MTUS2: variants seen among roughly 807,000 people sequenced by gnomAD.
The protein encoded by MTUS2 is microtubule associated scaffold protein 2.
A neutral mutation model predicts 114.1 loss-of-function variants in MTUS2; 40 were observed. That is an observed-to-expected ratio of 0.35 (90% CI 0.27 to 0.46). The LOEUF (loss-of-function observed/expected upper bound fraction) is 0.46, where lower values mean the gene tolerates loss of function less well. Among genes scored for constraint, MTUS2 ranks in the 20% least tolerant of loss-of-function variants. MTUS2 has a pLI of 1.00. For missense variants in MTUS2, 1,679 were observed against 1,705.4 expected, an observed-to-expected ratio of 0.98 and a Z score of 0.27; for synonymous variants, 688 against 672.0, an observed-to-expected ratio of 1.02 and a Z score of -0.37.
rs1347558367 is a variant in MTUS2 at position 28,905,157 on chromosome 13, G to T, written c.-243+65307G>T. Among the ~76,000 whole-genome samples, 3 of 151,686 alleles carry T rather than the reference G, an allele frequency of 2.0e-5. No individual in the cohort carries two copies. The South Asian group carries it at 6.3e-4, about 32-fold the overall frequency. On this transcript the variant is annotated intron_variant, in intron 2 of 15. Transcript: ENST00000612955. ...TATCAGCTTAAGGAGATTTTGGGCT[G>T]AGAAAATGGGGTTTTCTAGATATAC...
chr13:28,831,646 A>G (rs1177199859), intron 1 of MTUS2, among the ~76,000 whole-genome samples: 1 of 152,254 alleles, frequency 6.6e-6, no homozygotes, highest in African/African-American at 2.4e-5. Context: ...TATGTGAAGC[A>G]GAAACAGAAT....
At position 29,240,471 on chromosome 13, in the gene MTUS2, A is replaced by AAT. The variant is rs557588084; in HGVS notation, c.2645-41230_2645-41229dup. 2.3e-3 allele frequency among the ~76,000 whole-genome samples: 343 copies of AAT among 152,356 alleles called. 4 individuals carry two copies. The highest frequency in any genetic ancestry group is 6.8e-3 in the Admixed American group (104 of 15,310). On this transcript the variant is annotated intron_variant, in intron 5 of 15. Transcript: ENST00000612955. ...GATGGAAAGACTCAGTGTGAAATCG[A>AAT]ATATCTGATCCTTGTTTACAAAAGT...
intron 5 of MTUS2, among the ~76,000 whole-genome samples, chr13:29,167,323 C>T (rs61186598): frequency 6.0e-5 from 9 of 150,072 alleles, no homozygotes; most frequent in African/African-American, 1.5e-4. Flanking sequence ...TGCAGTGAGC[C>T]GAGATCTCAC....
At chr13:29,043,626 T>TA (rs964356286) in intron 4 of MTUS2, among the ~76,000 whole-genome samples, 1 of 151,616 alleles carries the variant, frequency 6.6e-6, no homozygotes, top group Non-Finnish European at 1.5e-5. Flanking sequence ...GCTCCAGTGT[T>TA]AGAGATATAT....
chr13:29,000,871 T>C (rs1478532395), intron 2 of MTUS2, among the ~76,000 whole-genome samples: 1 of 152,052 alleles, frequency 6.6e-6, no homozygotes, highest in Non-Finnish European at 1.5e-5. Flanking sequence ...TCCCAGTCCT[T>C]CTCCTTCCTT....
At chr13:29,360,407 C>T (rs1870123504) in intron 8 of MTUS2, among the ~76,000 whole-genome samples, 1 of 152,204 alleles carries the variant, frequency 6.6e-6, no homozygotes, top group South Asian at 2.1e-4. Context: ...TCACCTTCCC[C>T]TCTACTCCAG....
chr13:29,156,000 C>T (rs567487713), intron 5 of MTUS2, among the ~76,000 whole-genome samples: 1 of 152,204 alleles, frequency 6.6e-6, no homozygotes, highest in South Asian at 2.1e-4. Flanking sequence ...GCCGTTTGCC[C>T]ATACCCATGC....
At chr13:29,084,947 T>A (rs1889623679) in intron 4 of MTUS2, among the ~76,000 whole-genome samples, 1 of 152,210 alleles carries the variant, frequency 6.6e-6, no homozygotes, top group South Asian at 2.1e-4. Flanking sequence ...ATCCCTAATG[T>A]TGGAGGTGGG....
intron 5 of MTUS2, among the ~76,000 whole-genome samples, chr13:29,204,680 G>T (rs1434737419): frequency 6.6e-6 from 1 of 152,246 alleles, no homozygotes; most frequent in South Asian, 2.1e-4. Flanking sequence ...GGCCAGCCCA[G>T]AAACCAGCTC....
At position 28,862,123 on chromosome 13, in the gene MTUS2, A is replaced by G. The variant is rs111277191; in HGVS notation, c.-243+22273A>G. Reference sequence around the variant, plus strand: ...CCTTGGCCTCACACATGAATAGAAAATGTGTGCATGACAAAGGAAATAGCA... The same window carrying G: ...CCTTGGCCTCACACATGAATAGAAAGTGTGTGCATGACAAAGGAAATAGCA... On this transcript the variant is annotated intron_variant, in intron 2 of 15. Transcript: ENST00000612955. Among the ~76,000 whole-genome samples the G allele has an allele frequency of 5.1e-4, 78 of 152,258 alleles. No homozygotes were observed. The East Asian group carries it at 8.1e-3, about 16-fold the overall frequency.
intron 2 of MTUS2, among the ~76,000 whole-genome samples, chr13:28,912,010 G>A (rs918103382): frequency 7.9e-5 from 12 of 151,812 alleles, no homozygotes; most frequent in Admixed American, 4.6e-4. Flanking sequence ...AGTTTAATTC[G>A]ATTCCATTTG....
chr13:29,264,971 A>T (rs1256262943), intron 5 of MTUS2, among the ~76,000 whole-genome samples: 1 of 152,234 alleles, frequency 6.6e-6, no homozygotes, highest in Non-Finnish European at 1.5e-5. Context: ...CCATAGTCTG[A>T]TTGAATTCCT....
At chr13:28,941,069 C>A (rs568076673) in intron 2 of MTUS2, among the ~76,000 whole-genome samples, 17 of 149,112 alleles carry the variant, frequency 1.1e-4, no homozygotes, top group Non-Finnish European at 7.4e-5. Flanking sequence ...TACTACAAAG[C>A]AAAAAAAAAA....
At chr13:29,501,238 G>C (rs559447265) in intron 15 of MTUS2, 44 bp downstream of exon 15, 2 of 1,462,008 alleles carry the variant, frequency 1.4e-6, no homozygotes, top group Middle Eastern at 1.7e-4. Context: ...TTCCTCTTGA[G>C]CTTCTTTTTG....
intron 2 of MTUS2, among the ~76,000 whole-genome samples, chr13:28,962,952 C>G (rs192342725): frequency 1.3e-5 from 2 of 152,146 alleles, no homozygotes; most frequent in African/African-American, 2.4e-5. Flanking sequence ...CAGTATCCCC[C>G]CTTTCTACTC....
intron 2 of MTUS2, among the ~76,000 whole-genome samples, chr13:28,980,540 A>G (rs1376603993): frequency 6.6e-6 from 1 of 152,196 alleles, no homozygotes; most frequent in Non-Finnish European, 1.5e-5. Flanking sequence ...TTCCTCACTT[A>G]AGGGTACATC....
At chr13:28,923,574 A>C (rs1356328500) in intron 2 of MTUS2, among the ~76,000 whole-genome samples, 1 of 152,170 alleles carries the variant, frequency 6.6e-6, no homozygotes, top group African/African-American at 2.4e-5. Context: ...AGCTTCCCAC[A>C]GGCCAGGACG....
At chr13:29,219,443 G>A (rs1384382238) in intron 5 of MTUS2, among the ~76,000 whole-genome samples, 1 of 151,798 alleles carries the variant, frequency 6.6e-6, no homozygotes, top group Non-Finnish European at 1.5e-5. Flanking sequence ...ACGTGTGCAT[G>A]TGTGTTTATA....
At chr13:28,849,185 A>G (rs1216283457) in intron 2 of MTUS2, among the ~76,000 whole-genome samples, 1 of 152,258 alleles carries the variant, frequency 6.6e-6, no homozygotes, top group Non-Finnish European at 1.5e-5. Context: ...TCCTGAAGAT[A>G]GTAGCATTTT....
Sources: gnomAD v4.1 joint callset for allele counts (sites outside exome capture counted in the v4.1 genomes callset) on GRCh38, gnomAD v4.1.1 for gene constraint, MANE v1.5 for transcripts, NCBI Gene and HGNC (gene_info 2026-07-23, HGNC 2026-07-21) for gene names.